FGFR2: variants seen among roughly 807,000 people sequenced by gnomAD.
FGFR2 encodes the protein fibroblast growth factor receptor 2, also known as BEK fibroblast growth factor receptor.
FGFR2 carries 19 observed loss-of-function variants against 95.9 expected under a neutral mutation model. That is an observed-to-expected ratio of 0.20 (90% CI 0.14 to 0.29). The LOEUF is 0.29. Ranked by LOEUF, FGFR2 falls within the 10% of genes least tolerant of loss-of-function variation. FGFR2 has a pLI of 1.00. For synonymous variants in FGFR2, 392 were observed against 393.3 expected, an observed-to-expected ratio of 1.00 and a Z score of 0.04; for missense variants, 707 against 1,056.9, an observed-to-expected ratio of 0.67 and a Z score of 4.59.
chr10:121,528,139 C>T (rs569484613), intron 6 of FGFR2: 31 of 152,434 alleles, frequency 2.0e-4, no homozygotes, highest in African/African-American at 7.2e-4. Flanking sequence ...GGGAGCCCTC[C>T]GTCAAAGACA....
At chr10:121,557,702 G>A (rs893284507) in intron 4 of FGFR2, among the ~76,000 whole-genome samples, 1 of 152,060 alleles carries the variant, frequency 6.6e-6, no homozygotes, top group Non-Finnish European at 1.5e-5. Flanking sequence ...TACTGATATT[G>A]TTCTTTTCAA....
intron 5 of FGFR2, among the ~76,000 whole-genome samples, chr10:121,538,960 C>T (rs770793912): frequency 6.6e-6 from 1 of 152,316 alleles, no homozygotes; most frequent in East Asian, 1.9e-4. Context: ...CAGTGTACAG[C>T]GTGGGTCTGT....
At chr10:121,489,175 C>A (rs111248809) in intron 13 of FGFR2, among the ~76,000 whole-genome samples, 9 of 152,198 alleles carry the variant, frequency 5.9e-5, no homozygotes, top group African/African-American at 1.9e-4. Flanking sequence ...TGGGTTCAAG[C>A]GATTCTCCTG....
chr10:121,579,724 T>C (rs899674047), intron 2 of FGFR2, among the ~76,000 whole-genome samples: 6 of 152,168 alleles, frequency 3.9e-5, no homozygotes, highest in Non-Finnish European at 2.9e-5. Context: ...TAACTTACCC[T>C]AGCCCCACAG....
In FGFR2 at chr10:121,596,416, C is replaced by T. The variant is rs1304377826; in HGVS notation, c.-151+1546G>A. Reference sequence around the variant, plus strand: ...AGAAGGCAGACCAATACAGTGCCCTCCGCTTTGGGCTTCCACCTAAGGGGT... The same window carrying T: ...AGAAGGCAGACCAATACAGTGCCCTTCGCTTTGGGCTTCCACCTAAGGGGT... On this transcript the variant is annotated intron_variant, in intron 1 of 17. Transcript: ENST00000358487. The T allele has an allele frequency of 2.0e-5, 4 of 195,250 alleles. No individual in the cohort carries two copies. In the Admixed American group the frequency reaches 2.4e-4, roughly 12 times the overall value. The allele number at this position is 195,250 out of a possible 1,614,324, so 12.1% of individuals were successfully genotyped here. A position where few individuals can be genotyped will look rare whatever the true frequency, so the allele number is the denominator to read the frequency against.
At chr10:121,528,876 G>A (rs1468935544) in intron 6 of FGFR2, among the ~76,000 whole-genome samples, 1 of 151,916 alleles carries the variant, frequency 6.6e-6, no homozygotes, top group African/African-American at 2.4e-5. Flanking sequence ...ATGAACACTC[G>A]GTGAGAGTCT....
chr10:121,555,097 GGC>G (rs1286568203), intron 4 of FGFR2, among the ~76,000 whole-genome samples: 1 of 152,196 alleles, frequency 6.6e-6, no homozygotes, highest in Non-Finnish European at 1.5e-5. Context: ...CTGCAGGCCA[GGC>G]GCGGTGGCTC....
chr10:121,526,186 G>A (rs983876547), intron 6 of FGFR2: 5 of 398,440 alleles, frequency 1.3e-5, no homozygotes, highest in South Asian at 1.3e-4. Flanking sequence ...TCTTAGCAAC[G>A]CCAAAGAGCT....
chr10:121,514,992 C>T lies in FGFR2; in HGVS notation c.1287+125G>A, dbSNP rs1045818103. 1.4e-5 allele frequency: 13 copies of T among 906,202 alleles called. No homozygotes were observed. The African/African-American group carries it at 2.1e-4, about 15-fold the overall frequency. The allele number at this position is 906,202 out of a possible 1,614,324, so 56.1% of individuals were successfully genotyped here. A position where few individuals can be genotyped will look rare whatever the true frequency, so the allele number is the denominator to read the frequency against. ...CACTAACTGGGTGACCGCCAAGCATCACACCAGAATCACTCGCACATGGAA... is the reference window on the plus strand; with the variant it reads ...CACTAACTGGGTGACCGCCAAGCATTACACCAGAATCACTCGCACATGGAA... On this transcript the variant is annotated intron_variant, in intron 9 of 17. Transcript: ENST00000358487.
chr10:121,483,584 A>T (rs1845034595), intron 17 of FGFR2, 114 bp downstream of exon 17: 1 of 766,904 alleles, frequency 1.3e-6, no homozygotes, highest in African/African-American at 1.7e-5. Context: ...TGGAAAAAGA[A>T]TAAACAAGAC....
intron 6 of FGFR2, chr10:121,537,873 A>T (rs1853088433): frequency 6.2e-6 from 1 of 161,652 alleles, no homozygotes; most frequent in Admixed American, 5.8e-5. Flanking sequence ...TCCAAGACAC[A>T]GAAACCTCCT....
chr10:121,504,582 G>C (rs1848035365), intron 9 of FGFR2, among the ~76,000 whole-genome samples: 2 of 152,130 alleles, frequency 1.3e-5, no homozygotes, highest in African/African-American at 4.8e-5. Context: ...TTGATGGCCA[G>C]GCTATTCAGT....
chr10:121,565,856 C>T (rs1007288784), intron 2 of FGFR2, 152 bp from the exon 3 acceptor site: 1 of 865,818 alleles, frequency 1.2e-6, no homozygotes. Context: ...TCTCCCCAAG[C>T]CCCAGGAAGT....
chr10:121,526,871 T>G, intron 6 of FGFR2: 1 of 397,892 alleles, frequency 2.5e-6, no homozygotes, highest in East Asian at 3.6e-5. Flanking sequence ...TGTCTGGATA[T>G]CTGACTCTCG....
intron 13 of FGFR2, among the ~76,000 whole-genome samples, chr10:121,494,987 A>T (rs1846587602): frequency 6.6e-6 from 1 of 151,914 alleles, no homozygotes; most frequent in Non-Finnish European, 1.5e-5. Context: ...CCACTTTTAC[A>T]CTTAGGAATT....
intron 2 of FGFR2, among the ~76,000 whole-genome samples, chr10:121,572,096 T>G (rs1250834802): frequency 6.9e-6 from 1 of 145,120 alleles, no homozygotes; most frequent in Non-Finnish European, 1.5e-5. Context: ...GGAGAATCAC[T>G]TGAGGTCAGG....
chr10:121,548,611 C>T (rs555825967), intron 5 of FGFR2, among the ~76,000 whole-genome samples: 3 of 152,112 alleles, frequency 2.0e-5, no homozygotes, highest in Non-Finnish European at 4.4e-5. Context: ...ATAATGATGT[C>T]GGTTCCATTT....
At chr10:121,506,357 C>CAAAAAAAAAAAAA (rs10678814) in intron 9 of FGFR2, among the ~76,000 whole-genome samples, 20 of 101,136 alleles carry the variant, frequency 2.0e-4, no homozygotes, top group African/African-American at 8.1e-4. Flanking sequence ...GACTCCGTCT[C>CAAAAAAAAAAAAA]AAAAAAAAAA....
At chr10:121,550,628 A>G (rs1855248958) in intron 5 of FGFR2, among the ~76,000 whole-genome samples, 1 of 152,264 alleles carries the variant, frequency 6.6e-6, no homozygotes, top group South Asian at 2.1e-4. Flanking sequence ...CTCACTATTC[A>G]TGCAATCCTG....
Sources: gnomAD v4.1 joint callset for allele counts (sites outside exome capture counted in the v4.1 genomes callset) on GRCh38, gnomAD v4.1.1 for gene constraint, MANE v1.5 for transcripts, NCBI Gene and HGNC (gene_info 2026-07-23, HGNC 2026-07-21) for gene names.